Variants in GRIP1 observed in about 807,000 individuals in gnomAD.
GRIP1 encodes the protein glutamate receptor-interacting protein 1.
GRIP1 carries 45 observed loss-of-function variants against 129.9 expected under a neutral mutation model. That is an observed-to-expected ratio of 0.35 (90% confidence interval 0.27 to 0.44). GRIP1 has a LOEUF of 0.44. GRIP1 is among the 20% of genes least tolerant of loss of function. The probability of loss-of-function intolerance (pLI) is 1.00; values close to 1 mark genes in which losing one functional copy is unlikely to be tolerated. For missense variants in GRIP1, 1,196 were observed against 1,396.8 expected (o/e 0.86, Z 2.29); for synonymous variants, 530 against 520.8 (o/e 1.02, Z -0.24).
At chr12:66,600,695 T>C (rs1256690095) in intron 1 of GRIP1, among the ~76,000 whole-genome samples, 2 of 152,238 alleles carry the variant, frequency 1.3e-5, no homozygotes, top group Non-Finnish European at 2.9e-5. Flanking sequence ...ATTCAGATTA[T>C]AGAATGATTT....
chr12:67,069,104 G>A (rs2043689887), exon 1 of GRIP1: 1 of 985,054 alleles, frequency 1.0e-6, no homozygotes, highest in Non-Finnish European at 1.2e-6. Context: ...TTCCAGCCGG[G>A]CATGGTGTCG....
chr12:66,464,956 T>G (rs1470964229), intron 8 of GRIP1, among the ~76,000 whole-genome samples: 1 of 135,990 alleles, frequency 7.4e-6, no homozygotes, highest in Non-Finnish European at 1.5e-5. Flanking sequence ...CTTTCTTTCT[T>G]TTTTTTTTTT....
At chr12:66,895,245 T>C (rs188266429) in intron 1 of GRIP1, among the ~76,000 whole-genome samples, 100 of 152,256 alleles carry the variant, frequency 6.6e-4, no homozygotes, top group Non-Finnish European at 5.1e-4. Context: ...TGGGAGGTAA[T>C]TGAATCAAGG....
At chr12:66,807,637 G>A (rs2039020168), upstream of GRIP1, among the ~76,000 whole-genome samples, 1 of 151,980 alleles carries the variant, frequency 6.6e-6, no homozygotes, top group African/African-American at 2.4e-5. Context: ...CCCCGCCACT[G>A]CACTCCAGCC....
intron 2 of GRIP1, among the ~76,000 whole-genome samples, chr12:66,548,159 G>A (rs2062006220): frequency 6.6e-6 from 1 of 152,152 alleles, no homozygotes; most frequent in Non-Finnish European, 1.5e-5. Context: ...TGTTCTTTTA[G>A]TTTATATATA....
chr12:66,538,926 T>G (rs1207505184), intron 4 of GRIP1, 152 bp downstream of exon 4: 2 of 689,800 alleles, frequency 2.9e-6, no homozygotes, highest in Non-Finnish European at 5.0e-6. Context: ...AATGTCTTAC[T>G]GTGCCAAATT....
At chr12:66,719,981 GT>G (rs2036010749) in intron 1 of GRIP1, among the ~76,000 whole-genome samples, 1 of 152,152 alleles carries the variant, frequency 6.6e-6, no homozygotes, top group Non-Finnish European at 1.5e-5. Context: ...TGTAGAGAAA[GT>G]TAAAATTATT....
chr12:66,406,397 G>A lies in GRIP1; in HGVS notation c.1870C>T (p.Leu624Phe), dbSNP rs1022287326. 6.2e-7 allele frequency: 1 copy of A among 1,613,924 alleles called. No homozygotes were observed. Among genetic ancestry groups the A allele is most frequent in the African/African-American group, 1.3e-5 (1 of 74,906 alleles). ...TCCAGCCGGATATTATCTATTGCGA[G>A]CAATTTATCCCCAAGTTCCAGGGTC... is the stretch of plus-strand genomic sequence containing the variant. ...TGTLELGDKL[L>F]AIDNIRLDNC... Residue 624 changes from leucine (L) to phenylalanine (F), a missense_variant, in exon 16 of 25, where the codon CTC becomes TTC. Around this residue, in one of 5 missense-constraint regions of GRIP1, gnomAD observed 508 missense variants for 587.0 expected, o/e 0.87. Coordinates refer to ENST00000359742, the MANE Select transcript of GRIP1 (RefSeq NM_001366722.1).
chr12:66,557,472 C>T (rs1048012476), intron 2 of GRIP1, among the ~76,000 whole-genome samples: 13 of 152,190 alleles, frequency 8.5e-5, no homozygotes, highest in Middle Eastern at 3.4e-3. Flanking sequence ...CCAAATGAAC[C>T]TAATTGGTAT....
chr12:66,936,892 T>C (rs945990222), intron 1 of GRIP1, among the ~76,000 whole-genome samples: 9 of 152,194 alleles, frequency 5.9e-5, no homozygotes, highest in African/African-American at 2.2e-4. Context: ...CCTCCCATTT[T>C]AGAGCTTGAC....
chr12:66,497,621 G>T (rs1283319541), intron 7 of GRIP1, among the ~76,000 whole-genome samples: 1 of 152,190 alleles, frequency 6.6e-6, no homozygotes, highest in Non-Finnish European at 1.5e-5. Flanking sequence ...TTGAATGGAA[G>T]TGATGTGAAG....
intron 2 of GRIP1, among the ~76,000 whole-genome samples, chr12:66,576,880 G>A (rs182175857): frequency 6.6e-6 from 1 of 152,266 alleles, no homozygotes; most frequent in East Asian, 1.9e-4. Context: ...AATAAGACCT[G>A]TATGTGTTAG....
chr12:66,784,086 G>C (rs1272355406), intron 1 of GRIP1, among the ~76,000 whole-genome samples: 1 of 152,090 alleles, frequency 6.6e-6, no homozygotes. Flanking sequence ...GAAAATGGAC[G>C]AGAAGGCCTC....
chr12:66,680,719 T>C (rs917872120), upstream of GRIP1, among the ~76,000 whole-genome samples: 1 of 152,174 alleles, frequency 6.6e-6, no homozygotes, highest in African/African-American at 2.4e-5. Flanking sequence ...CAGTTAGCTC[T>C]TTCCAAGATT....
At chr12:66,891,481 G>T (rs566233632) in intron 1 of GRIP1, among the ~76,000 whole-genome samples, 1 of 152,150 alleles carries the variant, frequency 6.6e-6, no homozygotes, top group Non-Finnish European at 1.5e-5. Flanking sequence ...CCATCTGAAG[G>T]TTGCACCAGA....
chr12:66,914,150 C>T (rs916231238), intron 1 of GRIP1, among the ~76,000 whole-genome samples: 5 of 152,126 alleles, frequency 3.3e-5, no homozygotes, highest in African/African-American at 7.2e-5. Flanking sequence ...ACTTTTCTCA[C>T]GTGCAAATAG....
chr12:66,907,179 T>C (rs1348323765), intron 1 of GRIP1, among the ~76,000 whole-genome samples: 1 of 152,224 alleles, frequency 6.6e-6, no homozygotes, highest in Non-Finnish European at 1.5e-5. Flanking sequence ...TAAACAATCA[T>C]GATGGAATGT....
intron 11 of GRIP1, among the ~76,000 whole-genome samples, chr12:66,451,322 T>C (rs2058788514): frequency 6.8e-6 from 1 of 147,732 alleles, no homozygotes; most frequent in Non-Finnish European, 1.5e-5. Flanking sequence ...TCCTATCAGC[T>C]ATGAGAAGCA....
chr12:67,012,570 T>C (rs1405130134), intron 1 of GRIP1, among the ~76,000 whole-genome samples: 1 of 152,200 alleles, frequency 6.6e-6, no homozygotes, highest in Non-Finnish European at 1.5e-5. Context: ...AAGAGCTTCA[T>C]ATGCCATGAT....
Sources: gnomAD v4.1 joint callset for allele counts (sites outside exome capture counted in the v4.1 genomes callset) on GRCh38, gnomAD v4.1.1 for gene constraint, gnomAD v4.1.1 regional missense constraint, MANE v1.5 for transcripts, NCBI Gene and HGNC (gene_info 2026-07-23, HGNC 2026-07-21) for gene names.